Variants in CDKN2B-AS1 observed in about 807,000 individuals in gnomAD.
CDKN2B-AS1 encodes CDKN2B antisense RNA 1 (non-protein coding).
chr9:22,112,636 C>T (rs1364856269), intron 4 of CDKN2B-AS1, among the ~76,000 whole-genome samples: 1 of 152,144 alleles, frequency 6.6e-6, no homozygotes, highest in African/African-American at 2.4e-5. Flanking sequence ...AACAATAATT[C>T]TTCACTATAT....
chr9:21,999,694 AAG>A lies in CDKN2B-AS1; in HGVS notation n.29+4537_29+4538del, dbSNP rs541222473. ...GTGTATTAGCAAACAAAGTGCAAGA[AAG>A]AGAAAAATGATTGACATGCTTGTGA... On this transcript the variant is annotated intron_variant and non_coding_transcript_variant, in intron 1 of 4. Coordinates refer to ENST00000650946, the Ensembl canonical transcript of CDKN2B-AS1. This position sits in a 1 kb window ranked among gnomAD's most constrained non-coding sequence, Gnocchi z 4.7. Among the ~76,000 whole-genome samples the A allele has an allele frequency of 1.2e-3, 180 of 152,286 alleles. No individual in the cohort carries two copies. Among genetic ancestry groups the A allele is most frequent in the African/African-American group, 4.2e-3 (176 of 41,556 alleles).
At chr9:22,025,556 A>C (rs1822197691) in intron 1 of CDKN2B-AS1, among the ~76,000 whole-genome samples, 1 of 152,110 alleles carries the variant, frequency 6.6e-6, no homozygotes, top group South Asian at 2.1e-4. Flanking sequence ...GCACCCACAT[A>C]ACAGTCTGTT....
At chr9:22,036,943 G>A (rs1822710696) in intron 1 of CDKN2B-AS1, among the ~76,000 whole-genome samples, 1 of 151,984 alleles carries the variant, frequency 6.6e-6, no homozygotes. Flanking sequence ...ATTGAAAGGT[G>A]GCTCTTCCAC....
chr9:22,030,422 TC>T (rs1167352005), intron 1 of CDKN2B-AS1: 1 of 152,182 alleles, frequency 6.6e-6, no homozygotes, highest in Non-Finnish European at 1.5e-5. Context: ...AGTTTGTACT[TC>T]CTATCTGGGT....
At chr9:22,011,045 CTGAA>C (rs1293105116) in intron 1 of CDKN2B-AS1, among the ~76,000 whole-genome samples, 1 of 152,214 alleles carries the variant, frequency 6.6e-6, no homozygotes. Flanking sequence ...AGCAAGTTGA[CTGAA>C]TGAAAAACAA....
intron 4 of CDKN2B-AS1, among the ~76,000 whole-genome samples, chr9:22,085,694 G>T (rs1489587354): frequency 6.8e-6 from 1 of 145,986 alleles, no homozygotes; most frequent in African/African-American, 2.6e-5. Flanking sequence ...GCACTCCAGC[G>T]AGGGCAACAG....
chr9:22,086,870 G>A (rs1824883756), intron 4 of CDKN2B-AS1, among the ~76,000 whole-genome samples: 1 of 152,024 alleles, frequency 6.6e-6, no homozygotes, highest in African/African-American at 2.4e-5. Flanking sequence ...TTACTTATTT[G>A]TGATTCTGAA....
At chr9:22,022,998 G>A (rs544802865) in intron 1 of CDKN2B-AS1, among the ~76,000 whole-genome samples, 2 of 152,308 alleles carry the variant, frequency 1.3e-5, no homozygotes, top group South Asian at 4.1e-4. Context: ...GAGGTCTGTT[G>A]TTAGTCTGAT....
At chr9:22,056,946 T>C (rs1197302615) in intron 4 of CDKN2B-AS1, among the ~76,000 whole-genome samples, 3 of 152,186 alleles carry the variant, frequency 2.0e-5, no homozygotes, top group Non-Finnish European at 4.4e-5. Flanking sequence ...TCTTAATTAA[T>C]GAACCTGACA....
intron 3 of CDKN2B-AS1, among the ~76,000 whole-genome samples, chr9:22,052,729 G>T (rs1823402302): frequency 6.6e-6 from 1 of 152,194 alleles, no homozygotes; most frequent in Non-Finnish European, 1.5e-5. Flanking sequence ...AGTGAATACT[G>T]CCATTTTCTC....
intron 1 of CDKN2B-AS1, among the ~76,000 whole-genome samples, chr9:22,010,598 G>A (rs1821449705): frequency 1.3e-5 from 2 of 152,186 alleles, no homozygotes; most frequent in Non-Finnish European, 1.5e-5. Context: ...AAAGGCAGTG[G>A]AAGTGCCACC....
chr9:22,044,483 AT>A (rs1823026983), intron 1 of CDKN2B-AS1, among the ~76,000 whole-genome samples: 2 of 151,950 alleles, frequency 1.3e-5, no homozygotes, highest in Non-Finnish European at 2.9e-5. Context: ...GTTCATATAT[AT>A]TTTTGTTATT....
chr9:22,094,972 A>T (rs2131347178), intron 4 of CDKN2B-AS1, among the ~76,000 whole-genome samples: 1 of 144,272 alleles, frequency 6.9e-6, no homozygotes, highest in Admixed American at 6.7e-5. Flanking sequence ...GATGATGGTG[A>T]CGTACAGATG....
At chr9:22,029,265 A>C (rs1054664111) in intron 1 of CDKN2B-AS1, among the ~76,000 whole-genome samples, 1 of 152,194 alleles carries the variant, frequency 6.6e-6, no homozygotes, top group African/African-American at 2.4e-5. Flanking sequence ...TTAAAAAGAG[A>C]AAATGTGCTT....
chr9:22,056,084 G>A (rs1262356951), intron 3 of CDKN2B-AS1, among the ~76,000 whole-genome samples: 2 of 146,242 alleles, frequency 1.4e-5, no homozygotes, highest in South Asian at 2.2e-4. Flanking sequence ...TTGCAGTGTC[G>A]TCTGGGCTGG....
At chr9:22,124,237 G>T (rs930957718) in intron 4 of CDKN2B-AS1, among the ~76,000 whole-genome samples, 8 of 152,166 alleles carry the variant, frequency 5.3e-5, no homozygotes, top group African/African-American at 1.7e-4. Context: ...GTAAAGTCTG[G>T]TCTTTTTTCA....
At chr9:22,009,209 G>A (rs1287281417) in intron 1 of CDKN2B-AS1, 4 of 602,562 alleles carry the variant, frequency 6.6e-6, no homozygotes, top group Non-Finnish European at 1.2e-5. Context: ...CTGGGAAAAA[G>A]CGCCTAGCGC....
intron 4 of CDKN2B-AS1, among the ~76,000 whole-genome samples, chr9:22,099,371 A>G (rs1042851559): frequency 6.6e-6 from 1 of 152,212 alleles, no homozygotes; most frequent in African/African-American, 2.4e-5. Context: ...GATTCCATCT[A>G]AAACTTAGAA....
chr9:22,074,375 A>C (rs986675784), intron 4 of CDKN2B-AS1, among the ~76,000 whole-genome samples: 16 of 152,192 alleles, frequency 1.1e-4, no homozygotes, highest in Non-Finnish European at 2.2e-4. Flanking sequence ...TTTTATCTGC[A>C]GGACTTGGTT....
Sources: gnomAD v4.1 joint callset for allele counts (sites outside exome capture counted in the v4.1 genomes callset) on GRCh38, gnomAD v4.1.1 for gene constraint, Gnocchi (gnomAD v3.1) non-coding constraint, MANE v1.5 for transcripts, NCBI Gene and HGNC (gene_info 2026-07-23, HGNC 2026-07-21) for gene names.